The following SPATA13 variants were observed in gnomAD, a reference collection of about 807,000 sequenced individuals.
SPATA13 encodes spermatogenesis-associated protein 13.
SPATA13 carries 50 observed loss-of-function variants against 104.0 expected under a neutral mutation model. The ratio of observed to expected loss-of-function variants is 0.48; its 90% CI spans 0.38 to 0.61. SPATA13 has a LOEUF of 0.61. Ranked by LOEUF, SPATA13 falls within the 20% of genes least tolerant of loss-of-function variation. The probability of loss-of-function intolerance (pLI) is 0.00; values close to 1 mark genes in which losing one functional copy is unlikely to be tolerated. For synonymous variants in SPATA13, 606 were observed against 667.5 expected (o/e 0.91, Z 1.42); for missense variants, 1,524 against 1,690.6 (o/e 0.90, Z 1.73).
chr13:24,007,466 T>G (rs1022099504), intron 2 of SPATA13, among the ~76,000 whole-genome samples: 1 of 152,292 alleles, frequency 6.6e-6, no homozygotes, highest in South Asian at 2.1e-4. Context: ...CTTTTTCTTT[T>G]TTCTTTAGAG....
At chr13:24,126,214 G>A (rs1278224801) in intron 3 of SPATA13, among the ~76,000 whole-genome samples, 2 of 152,234 alleles carry the variant, frequency 1.3e-5, no homozygotes, top group Non-Finnish European at 2.9e-5. Flanking sequence ...GGGGGCAGGA[G>A]CCATGGGGAG....
intron 3 of SPATA13, among the ~76,000 whole-genome samples, chr13:24,138,994 T>C (rs1411595788): frequency 2.0e-5 from 3 of 152,182 alleles, no homozygotes; most frequent in Admixed American, 1.3e-4. Context: ...CAAATTATTA[T>C]AAAGCAACAT....
intron 2 of SPATA13, among the ~76,000 whole-genome samples, chr13:24,238,243 G>A (rs1002933009): frequency 7.1e-6 from 1 of 140,748 alleles, no homozygotes; most frequent in East Asian, 2.1e-4. Flanking sequence ...TGCAGTCTTC[G>A]CCTCCCGGGT....
At chr13:24,056,241 G>T (rs540403260) in intron 3 of SPATA13, among the ~76,000 whole-genome samples, 5 of 152,284 alleles carry the variant, frequency 3.3e-5, no homozygotes, top group African/African-American at 1.2e-4. Flanking sequence ...AGAACAAAGT[G>T]TCCAGAACAG....
intron 3 of SPATA13, among the ~76,000 whole-genome samples, chr13:24,150,758 A>G (rs1011531902): frequency 1.3e-5 from 2 of 152,036 alleles, no homozygotes; most frequent in African/African-American, 4.8e-5. Flanking sequence ...TCCTCAGGGA[A>G]CCCACATCTT....
At chr13:24,121,598 A>G (rs1881031230) in intron 3 of SPATA13, among the ~76,000 whole-genome samples, 1 of 152,244 alleles carries the variant, frequency 6.6e-6, no homozygotes, top group Non-Finnish European at 1.5e-5. Flanking sequence ...TATAAAGAAT[A>G]GATACCCAAT....
At chr13:24,176,815 G>T (rs1301904987) in intron 1 of SPATA13, among the ~76,000 whole-genome samples, 1 of 152,214 alleles carries the variant, frequency 6.6e-6, no homozygotes, top group Middle Eastern at 3.4e-3. Context: ...TTGAGATGGT[G>T]TCTTGCTGTG....
At position 24,284,241 on chromosome 13, in the gene SPATA13, G is replaced by T. The variant is rs1489640991; in HGVS notation, c.2271G>T (p.Gln757His). ...DLCQASPRYL[Q>H]PGGEQLAINE... is the part of the protein sequence containing the mutation. ...GCCAGGCCAGCCCTCGGTACCTGCA[G>T]CCCGGCGGGGAGCAGCTGGCCATCA... The change falls in exon 5 of 13, where the codon CAG becomes CAT. Residue 757 changes from glutamine to histidine, a missense_variant. Gln to His is a conservative substitution (Grantham distance 24). Transcript: ENST00000382108. 1 of 1,613,730 alleles carries T rather than the reference G, an allele frequency of 6.2e-7. No individual in the cohort carries two copies. The highest frequency in any genetic ancestry group is 1.3e-5 in the African/African-American group (1 of 75,036).
chr13:24,115,955 A>G lies in SPATA13; in HGVS notation c.-112+98254A>G, dbSNP rs529783318. Among the ~76,000 whole-genome samples the G allele has an allele frequency of 1.2e-4, 19 of 152,320 alleles. No homozygotes were observed. In the South Asian group the frequency reaches 3.9e-3, roughly 32 times the overall value. The stretch of plus-strand genomic sequence containing the variant: ...CTGGCTTCTCCAGAGCAGGTGACTC[A>G]GGAGAGGACAAGGTGAGAGCCACAG... On this transcript the variant is annotated intron_variant, in intron 3 of 14. Coordinates refer to the SPATA13 transcript ENST00000424834.
At chr13:24,280,215 C>T (rs2138718764) in intron 4 of SPATA13, among the ~76,000 whole-genome samples, 1 of 152,306 alleles carries the variant, frequency 6.6e-6, no homozygotes, top group Non-Finnish European at 1.5e-5. Flanking sequence ...ACTCAGAGAG[C>T]AGTCAGTATT....
At chr13:24,278,809 C>G in intron 4 of SPATA13, 1 of 1,598,914 alleles carries the variant, frequency 6.3e-7, no homozygotes, top group South Asian at 1.1e-5. Flanking sequence ...ATGTGCATCG[C>G]TATCATTTGA....
intron 2 of SPATA13, among the ~76,000 whole-genome samples, chr13:23,985,239 C>A (rs755495303): frequency 7.9e-5 from 12 of 152,212 alleles, no homozygotes; most frequent in Non-Finnish European, 1.3e-4. Context: ...ACCAGTCACT[C>A]CCTGTATACT....
chr13:24,209,029 T>C (rs911442051), intron 1 of SPATA13, among the ~76,000 whole-genome samples: 1 of 152,196 alleles, frequency 6.6e-6, no homozygotes, highest in African/African-American at 2.4e-5. Flanking sequence ...GGGGAGCATG[T>C]CAGGGTCAGC....
rs180875207 is a variant in SPATA13 at position 24,302,037 on chromosome 13, G to A, written c.3659-561G>A. Among the ~76,000 whole-genome samples the A allele has an allele frequency of 3.7e-4, 57 of 152,286 alleles. 1 individual carries two copies. The highest frequency in any genetic ancestry group is 1.1e-3 in the African/African-American group (46 of 41,554). On this transcript the variant is annotated intron_variant, in intron 12 of 12. Transcript: ENST00000382108. ...AAGAATTTGGGCCAAGGCAGCATGA[G>A]CTCCAGACTTCCATTTAGAGCATTT... is the stretch of plus-strand genomic sequence containing the variant.
chr13:24,043,900 G>T (rs1425868213), intron 3 of SPATA13, among the ~76,000 whole-genome samples: 1 of 152,206 alleles, frequency 6.6e-6, no homozygotes, highest in Non-Finnish European at 1.5e-5. Flanking sequence ...GGAGGGGTAG[G>T]TGGCAACTTT....
intron 1 of SPATA13, among the ~76,000 whole-genome samples, chr13:24,171,694 A>G (rs1882976507): frequency 6.6e-6 from 1 of 152,176 alleles, no homozygotes; most frequent in South Asian, 2.1e-4. Flanking sequence ...AAAAGCCTGT[A>G]AGATAATTTT....
Position 24,214,056 on chromosome 13 carries a change from T to A in SPATA13, c.-111-8763T>A, listed in dbSNP as rs115565111. Among the ~76,000 whole-genome samples the A allele has an allele frequency of 3.2e-3, 486 of 152,366 alleles. 3 individuals are homozygous for A. The highest frequency in any genetic ancestry group is 0.011 in the African/African-American group (445 of 41,586). ...GGGAAAAGCGATCACCTTCTCCAGA[T>A]CCGCATTCAGGTGATCTTTGCCAAT... On this transcript the variant is annotated intron_variant, in intron 1 of 12. Transcript: ENST00000382108.
intron 4 of SPATA13, among the ~76,000 whole-genome samples, chr13:24,265,616 G>T (rs1158576474): frequency 6.6e-6 from 1 of 152,162 alleles, no homozygotes; most frequent in Non-Finnish European, 1.5e-5. Context: ...CCATATGGGA[G>T]TTGGGATTAT....
intron 3 of SPATA13, chr13:24,122,607 C>T: frequency 6.8e-7 from 1 of 1,465,834 alleles, no homozygotes; most frequent in South Asian, 1.1e-5. Context: ...TGCATCTTCT[C>T]CTGCAACTCC....
Sources: allele counts gnomAD v4.1 joint callset (sites outside exome capture counted in the v4.1 genomes callset), GRCh38; gene constraint gnomAD v4.1.1; transcripts MANE v1.5; gene names NCBI Gene and HGNC (gene_info 2026-07-23, HGNC 2026-07-21).